The following PTPRN2 variants were observed in gnomAD, a reference collection of about 807,000 sequenced individuals.
The protein encoded by PTPRN2 is protein tyrosine phosphatase receptor type N2.
Under a neutral mutation model 118.8 loss-of-function variants are expected in PTPRN2, and 74 were observed. The ratio of observed to expected loss-of-function variants is 0.62; its 90% CI spans 0.52 to 0.76. PTPRN2 has a LOEUF of 0.76. Among genes scored for constraint, PTPRN2 ranks in the 30% least tolerant of loss-of-function variants. The pLI is 0.00. For missense variants in PTPRN2, 1,481 were observed against 1,394.4 expected (o/e 1.06, Z -0.99); for synonymous variants, 641 against 608.0 (o/e 1.05, Z -0.80).
Position 158,282,947 on chromosome 7 carries a change from G to A in PTPRN2, c.277+33872C>T, listed in dbSNP as rs190264794. On this transcript the variant is annotated intron_variant, in intron 3 of 22. Coordinates refer to ENST00000389418, the MANE Select transcript of PTPRN2 (RefSeq NM_002847.5). Reference sequence around the variant, plus strand: ...GGGATATAGACGGTGGTCCCTCCTCGTGCTCCCACGCAGCAGCAGGACATA... The same window carrying A: ...GGGATATAGACGGTGGTCCCTCCTCATGCTCCCACGCAGCAGCAGGACATA... 3.7e-4 allele frequency among the ~76,000 whole-genome samples: 55 copies of A among 149,512 alleles called. 1 individual carries two copies. The East Asian group carries it at 9.2e-3, about 25-fold the overall frequency.
In PTPRN2 at chr7:157,674,552, A is replaced by T. The variant is rs1056222101; in HGVS notation, c.2001+8173T>A. ...GTCTTGCCTCCTTTTATGCCGGTGT[A>T]CGTGTTGTGTTAAGAGCTGGGCTTT... On this transcript the variant is annotated intron_variant, in intron 13 of 22. Transcript: ENST00000389418. This position sits in a 1 kb window ranked among gnomAD's most constrained non-coding sequence, Gnocchi z 4.5. 6.6e-6 allele frequency among the ~76,000 whole-genome samples: 1 copy of T among 151,966 alleles called. No homozygotes were observed. Among genetic ancestry groups the T allele is most frequent in the African/African-American group, 2.4e-5 (1 of 41,358 alleles).
At chr7:158,285,361 G>A (rs558462973) in intron 3 of PTPRN2, among the ~76,000 whole-genome samples, 13 of 152,340 alleles carry the variant, frequency 8.5e-5, no homozygotes, top group African/African-American at 3.1e-4. Flanking sequence ...ACTAATGCAA[G>A]GCTGCAGGAG....
At chr7:158,481,160 A>G (rs1820614666) in intron 2 of PTPRN2, among the ~76,000 whole-genome samples, 1 of 152,242 alleles carries the variant, frequency 6.6e-6, no homozygotes, top group Non-Finnish European at 1.5e-5. Context: ...GTCAAAGCCA[A>G]TGCTTGTTCA....
intron 2 of PTPRN2, among the ~76,000 whole-genome samples, chr7:158,341,031 A>T (rs1202254330): frequency 6.7e-5 from 1 of 14,820 alleles, no homozygotes; most frequent in Non-Finnish European, 1.5e-4. Context: ...TCACACCCAC[A>T]CTCACCATGA....
intron 2 of PTPRN2, among the ~76,000 whole-genome samples, chr7:158,334,666 G>T (rs1160089260): frequency 0.23 from 7,990 of 34,530 alleles, 6 homozygotes; most frequent in Middle Eastern, 0.28. Context: ...GGTGACACCT[G>T]CAGACGTCAC....
rs1816799574 is a variant in PTPRN2, at chr7:158,117,199, G to A, written c.1557-6284C>T. Among the ~76,000 whole-genome samples the A allele has an allele frequency of 2.0e-5, 3 of 152,166 alleles. No individual in the cohort carries two copies. The South Asian group carries it at 6.2e-4, about 32-fold the overall frequency. ...AAAGAAAGTCAGAAAAATTATGTAT[G>A]AAAAATGAAAATGTCAAAGAGAAAA... On this transcript the variant is annotated intron_variant, in intron 9 of 22. Transcript: ENST00000389418.
chr7:158,525,473 C>A lies in PTPRN2; in HGVS notation c.113-35688G>T, dbSNP rs534086245. 3.9e-5 allele frequency among the ~76,000 whole-genome samples: 6 copies of A among 152,244 alleles called. No individual in the cohort carries two copies. In the South Asian group the frequency reaches 1.2e-3, roughly 32 times the overall value. On this transcript the variant is annotated intron_variant, in intron 1 of 22. Transcript: ENST00000389418. This position sits in a 1 kb window ranked among gnomAD's most constrained non-coding sequence, Gnocchi z 4.1. Reference sequence around the variant, plus strand: ...GGACCAAGGCTGAGCCGCTCCGCACCCCTCGCTCTACAGCTGGACACAGGC... The same window carrying A: ...GGACCAAGGCTGAGCCGCTCCGCACACCTCGCTCTACAGCTGGACACAGGC...
chr7:158,365,913 ACACT>A (rs1809445075), intron 2 of PTPRN2, among the ~76,000 whole-genome samples: 1 of 144,256 alleles, frequency 6.9e-6, no homozygotes, highest in African/African-American at 2.6e-5. Flanking sequence ...ACACACACAC[ACACT>A]GCATCCCTGG....
At chr7:158,180,630 T>A (rs1388908344) in intron 5 of PTPRN2, among the ~76,000 whole-genome samples, 1 of 152,252 alleles carries the variant, frequency 6.6e-6, no homozygotes, top group Non-Finnish European at 1.5e-5. Context: ...CAGTGTCTTG[T>A]AGTTCTCTGT....
intron 11 of PTPRN2, among the ~76,000 whole-genome samples, chr7:157,970,873 C>T (rs1427019039): frequency 6.6e-6 from 1 of 152,242 alleles, no homozygotes; most frequent in Non-Finnish European, 1.5e-5. Context: ...GTCCCCCTCT[C>T]TGCCCAGTGA....
At chr7:157,915,314 C>T (rs1000941948) in intron 11 of PTPRN2, among the ~76,000 whole-genome samples, 1 of 152,184 alleles carries the variant, frequency 6.6e-6, no homozygotes, top group Non-Finnish European at 1.5e-5. Flanking sequence ...GAGGCCCGTG[C>T]ACCTGGGAGC....
At chr7:157,569,590 T>C (rs1799660857) in intron 20 of PTPRN2, among the ~76,000 whole-genome samples, 2 of 152,226 alleles carry the variant, frequency 1.3e-5, no homozygotes, top group South Asian at 4.1e-4. Context: ...ATATTTACCA[T>C]CTGGGCTAGA....
At chr7:158,105,979 T>A (rs1169636229) in intron 10 of PTPRN2, among the ~76,000 whole-genome samples, 2 of 151,642 alleles carry the variant, frequency 1.3e-5, no homozygotes, top group Non-Finnish European at 2.9e-5. Context: ...TCCAGTTCCA[T>A]CCCCTCCTTC....
intron 1 of PTPRN2, among the ~76,000 whole-genome samples, chr7:158,559,726 C>T (rs750113339): frequency 6.6e-6 from 1 of 152,346 alleles, no homozygotes; most frequent in Non-Finnish European, 1.5e-5. Flanking sequence ...TGGACACAGG[C>T]TGCCTCCCTC....
intron 6 of PTPRN2, among the ~76,000 whole-genome samples, chr7:158,162,571 A>G (rs1213408904): frequency 4.6e-5 from 7 of 152,032 alleles, no homozygotes; most frequent in Admixed American, 4.6e-4. Context: ...AACAAGGTCC[A>G]TGGTTGCCAG....
At chr7:158,320,521 C>A (rs2151112294) in intron 2 of PTPRN2, among the ~76,000 whole-genome samples, 1 of 56,858 alleles carries the variant, frequency 1.8e-5, no homozygotes, top group South Asian at 5.0e-4. Flanking sequence ...CTCAGCAGCG[C>A]CAGGTGGCGT....
chr7:158,309,454 G>A (rs1313932119), intron 3 of PTPRN2, among the ~76,000 whole-genome samples: 1 of 152,124 alleles, frequency 6.6e-6, no homozygotes, highest in African/African-American at 2.4e-5. Context: ...GGCCTATTAT[G>A]GGACCTCACC....
At chr7:158,025,664 T>C (rs966148393) in intron 11 of PTPRN2, among the ~76,000 whole-genome samples, 5 of 152,234 alleles carry the variant, frequency 3.3e-5, no homozygotes, top group African/African-American at 9.7e-5. Context: ...AGCTTATCAG[T>C]TGGATATCGG....
At chr7:158,271,762 C>G (rs1798529646) in intron 3 of PTPRN2, among the ~76,000 whole-genome samples, 1 of 152,072 alleles carries the variant, frequency 6.6e-6, no homozygotes, top group African/African-American at 2.4e-5. Context: ...TTGGGCCTTC[C>G]CCTGTCATCT....
Sources: allele counts gnomAD v4.1 joint callset (sites outside exome capture counted in the v4.1 genomes callset), GRCh38; gene constraint gnomAD v4.1.1; non-coding constraint Gnocchi (gnomAD v3.1); transcripts MANE v1.5; gene names NCBI Gene and HGNC (gene_info 2026-07-23, HGNC 2026-07-21).